The following R3HDM2 variants were observed in gnomAD, a reference collection of about 807,000 sequenced individuals.
R3HDM2 encodes R3H domain-containing protein 2.
Under a neutral mutation model 124.5 loss-of-function variants are expected in R3HDM2, and 38 were observed. That is an observed-to-expected ratio of 0.31 (90% CI 0.24 to 0.40). The LOEUF is 0.40. Ranked by LOEUF, R3HDM2 falls within the 10% of genes least tolerant of loss-of-function variation. The pLI, the probability that R3HDM2 is intolerant of heterozygous loss-of-function variation, is 1.00. For synonymous variants in R3HDM2, 391 were observed against 448.0 expected (o/e 0.87, Z 1.61); for missense variants, 869 against 1,236.9 (o/e 0.70, Z 4.46).
chr12:57,332,410 C>CAAAAAA (rs10653446), intron 2 of R3HDM2, among the ~76,000 whole-genome samples: 5 of 60,686 alleles, frequency 8.2e-5, no homozygotes, highest in Non-Finnish European at 1.1e-4. Flanking sequence ...GACCCTGTCT[C>CAAAAAA]AAAAAAAAAA....
chr12:57,360,635 A>G (rs2061811568), intron 2 of R3HDM2, among the ~76,000 whole-genome samples: 1 of 151,892 alleles, frequency 6.6e-6, no homozygotes, highest in Non-Finnish European at 1.5e-5. Context: ...GAATAAGGAA[A>G]AAGGAAGGGA....
Position 57,255,133 on chromosome 12 carries a change from G to A in R3HDM2, c.2633-20C>T, listed in dbSNP as rs765738927. ...CCAGGACTGGAAGGGGAGGAGAGAG[G>A]ACATGGTTGTGAGAGGAATAGGACA... On this transcript the variant is annotated intron_variant, in intron 23 of 23. Transcript: ENST00000402412. 1.3e-6 allele frequency: 2 copies of A among 1,553,104 alleles called. No homozygotes were observed. The highest frequency in any genetic ancestry group is 1.7e-6 in the Non-Finnish European group (2 of 1,147,484).
chr12:57,272,105 G>A (rs1185902463), intron 14 of R3HDM2, among the ~76,000 whole-genome samples: 1 of 152,156 alleles, frequency 6.6e-6, no homozygotes, highest in East Asian at 1.9e-4. Context: ...ATTCTGTATA[G>A]AAGAAACTAG....
Position 57,384,189 on chromosome 12 carries a change from TACA to T in R3HDM2, c.-36+11557_-36+11559del, listed in dbSNP as rs201085111. Among the ~76,000 whole-genome samples, 328 of 151,624 alleles carry T rather than the reference TACA, an allele frequency of 2.2e-3. 8 individuals carry two copies. The East Asian group carries it at 0.05, about 23-fold the overall frequency. Reference sequence around the variant, plus strand: ...ACGGTGAAACCGTCTCTACTAAAAATACAACAACAAAAAAATTAGCCGGGCACG... The same window carrying T: ...ACGGTGAAACCGTCTCTACTAAAAATACAACAAAAAAATTAGCCGGGCACG... On this transcript the variant is annotated intron_variant, in intron 2 of 23. Coordinates refer to ENST00000402412, the MANE Select transcript of R3HDM2 (RefSeq NM_001394031.1).
chr12:57,341,966 A>G (rs1035681754), intron 2 of R3HDM2, among the ~76,000 whole-genome samples: 6 of 152,344 alleles, frequency 3.9e-5, no homozygotes, highest in Non-Finnish European at 5.9e-5. Context: ...TAATTTTTAT[A>G]ATATTTTAAA....
At chr12:57,352,482 TA>T (rs973637342) in intron 2 of R3HDM2, among the ~76,000 whole-genome samples, 1 of 149,448 alleles carries the variant, frequency 6.7e-6, no homozygotes, top group Admixed American at 6.7e-5. Context: ...TCTGCCACAC[TA>T]GGCAAACGCT....
rs2048871449 is a variant in R3HDM2, at chr12:57,292,521, T to C, written c.906+51A>G. ...GGGTTCATTCCATTCACAGTTCCAA[T>C]GATTAAGAGCTAAAAGCTATGGGCT... On this transcript the variant is annotated intron_variant, in intron 11 of 23. Transcript: ENST00000402412. 2.4e-6 allele frequency: 3 copies of C among 1,270,394 alleles called. No individual in the cohort carries two copies. In the South Asian group the frequency reaches 3.9e-5, roughly 17 times the overall value. The allele number at this position is 1,270,394 out of a possible 1,614,324, so 78.7% of individuals were successfully genotyped here.
chr12:57,265,100 G>A (rs939584747), intron 19 of R3HDM2, among the ~76,000 whole-genome samples: 3 of 152,186 alleles, frequency 2.0e-5, no homozygotes, highest in Admixed American at 6.5e-5. Context: ...TCTCCAAAGA[G>A]GGCCCTTAGC....
Position 57,253,953 on chromosome 12 carries a change from TG to T in R3HDM2, c.*819del, listed in dbSNP as rs914871814. ...TCAAACAAACAATATACAAGTGTTC[TG>T]GGGGGGCCAGGGGAATCCCAAGTTT... On this transcript the variant is annotated 3_prime_UTR_variant, in exon 24 of 24. Coordinates refer to ENST00000402412, the MANE Select transcript of R3HDM2 (RefSeq NM_001394031.1). 8 of 342,690 alleles carry T rather than the reference TG, an allele frequency of 2.3e-5. No individual in the cohort carries two copies. Among genetic ancestry groups the T allele is most frequent in the African/African-American group, 4.4e-5 (2 of 45,104 alleles). 21.2% of individuals were successfully genotyped at this position (342,690 alleles called of 1,614,324 possible).
chr12:57,352,429 A>C (rs1302164333), intron 2 of R3HDM2, among the ~76,000 whole-genome samples: 3 of 152,018 alleles, frequency 2.0e-5, no homozygotes, highest in African/African-American at 7.2e-5. Flanking sequence ...AATTCCAACA[A>C]AAATGTCAAT....
At chr12:57,351,180 C>G (rs1284439965) in intron 2 of R3HDM2, among the ~76,000 whole-genome samples, 1 of 152,102 alleles carries the variant, frequency 6.6e-6, no homozygotes, top group African/African-American at 2.4e-5. Flanking sequence ...CGTGGAAGGA[C>G]TGCTTGAGCC....
Position 57,299,335 on chromosome 12 carries a change from T to C in R3HDM2, c.421+17A>G, listed in dbSNP as rs1399804153. 2 of 1,543,210 alleles carry C rather than the reference T, an allele frequency of 1.3e-6. No individual in the cohort carries two copies. The highest frequency in any genetic ancestry group is 1.2e-5 in the South Asian group (1 of 83,862). On this transcript the variant is annotated intron_variant, in intron 6 of 23. Coordinates refer to ENST00000402412, the MANE Select transcript of R3HDM2 (RefSeq NM_001394031.1). ...GCACTGCCCTAGAACAGATGAGAGA[T>C]GGGAAAAACTCCTTACCTCTGGACA...
chr12:57,363,552 A>G (rs2062201799), intron 2 of R3HDM2, among the ~76,000 whole-genome samples: 1 of 152,190 alleles, frequency 6.6e-6, no homozygotes. Flanking sequence ...AATAATTTTT[A>G]GTTTCCAGTA....
chr12:57,256,196 T>C, intron 22 of R3HDM2, 122 bp from the exon 23 acceptor site: 1 of 1,055,114 alleles, frequency 9.5e-7, no homozygotes, highest in East Asian at 2.4e-5. Context: ...CACTAGGCAG[T>C]CAGGTTGGCC....
At chr12:57,289,863 C>G (rs1435565602) in intron 11 of R3HDM2, among the ~76,000 whole-genome samples, 1 of 152,190 alleles carries the variant, frequency 6.6e-6, no homozygotes, top group Non-Finnish European at 1.5e-5. Context: ...GCTCCCACAC[C>G]CAACCCCACA....
At chr12:57,322,326 T>A (rs956480042) in intron 2 of R3HDM2, among the ~76,000 whole-genome samples, 2 of 152,172 alleles carry the variant, frequency 1.3e-5, no homozygotes, top group African/African-American at 4.8e-5. Context: ...CCTTTAGGAA[T>A]CAAACAGTAG....
At chr12:57,286,330 ACT>A (rs950360695) in intron 12 of R3HDM2, among the ~76,000 whole-genome samples, 6 of 151,954 alleles carry the variant, frequency 3.9e-5, no homozygotes, top group African/African-American at 1.5e-4. Flanking sequence ...AATGGAGCAG[ACT>A]CTTCCAAAGA....
chr12:57,337,536 A>C (rs550154290), intron 2 of R3HDM2, among the ~76,000 whole-genome samples: 3 of 152,090 alleles, frequency 2.0e-5, no homozygotes, highest in Non-Finnish European at 4.4e-5. Flanking sequence ...GTATTAAAGC[A>C]TTTTTTTAAG....
intron 2 of R3HDM2, among the ~76,000 whole-genome samples, chr12:57,369,465 A>C (rs2063056091): frequency 6.6e-6 from 1 of 152,182 alleles, no homozygotes; most frequent in Non-Finnish European, 1.5e-5. Context: ...GCCAGTAATA[A>C]ATAAGCACTA....
Sources: gnomAD v4.1 joint callset for allele counts (sites outside exome capture counted in the v4.1 genomes callset) on GRCh38, gnomAD v4.1.1 for gene constraint, MANE v1.5 for transcripts, NCBI Gene and HGNC (gene_info 2026-07-23, HGNC 2026-07-21) for gene names.